CFAP119: variants seen among roughly 807,000 people sequenced by gnomAD.
CFAP119 encodes cilia- and flagella-associated protein 119.
At chr16:30,758,923 C>T in the CFAP119 span, 3 of 1,544,848 alleles carry the variant, frequency 1.9e-6, no homozygotes, top group Non-Finnish European at 2.6e-6. Context: ...TGACTAAAAA[C>T]AAAAAGTCTG....
chr16:30,761,361 G>T, the CFAP119 span: 2 of 1,395,364 alleles, frequency 1.4e-6, no homozygotes, highest in Non-Finnish European at 2.0e-6. Context: ...GGCGAGGGAG[G>T]GCTTCAGCAG....
chr16:30,761,017 C>T, the CFAP119 span: 2 of 669,326 alleles, frequency 3.0e-6, no homozygotes, highest in South Asian at 3.9e-5. Context: ...CTTTTTTTCT[C>T]ACACTGCCTC....
At chr16:30,757,753 G>T in the CFAP119 span, 1 of 1,481,518 alleles carries the variant, frequency 6.7e-7, no homozygotes, top group African/African-American at 1.4e-5. Flanking sequence ...ATTTCCCCTG[G>T]TGGGGATATA....
At chr16:30,761,014 T>TCTC in the CFAP119 span, 1 of 663,898 alleles carries the variant, frequency 1.5e-6, no homozygotes. Context: ...GCTCTTTTTT[T>TCTC]CTCACACTGC....
chr16:30,762,050 A>G, the CFAP119 span: 2 of 462,750 alleles, frequency 4.3e-6, no homozygotes, highest in Non-Finnish European at 7.7e-6. Context: ...CCTCTCTTCC[A>G]GGTTGCTAAT....
At chr16:30,761,736 T>TG in the CFAP119 span, 4 of 1,524,978 alleles carry the variant, frequency 2.6e-6, no homozygotes, top group South Asian at 3.6e-5. Context: ...TGGCTGGTCT[T>TG]GCGGTTGAGC....
At chr16:30,758,918 AAAAAC>A in the CFAP119 span, 25 of 1,539,436 alleles carry the variant, frequency 1.6e-5, 1 homozygote, top group South Asian at 2.6e-4. Context: ...GACTCTGACT[AAAAAC>A]AAAAAGTCTG....
the CFAP119 span, chr16:30,761,099 T>C: frequency 1.4e-6 from 2 of 1,387,394 alleles, no homozygotes; most frequent in Admixed American, 3.7e-5. Flanking sequence ...GGCCTCAGTC[T>C]CATCTGTAAA....
At chr16:30,759,935 G>A in the CFAP119 span, 4 of 1,440,658 alleles carry the variant, frequency 2.8e-6, no homozygotes, top group Non-Finnish European at 3.6e-6. Flanking sequence ...ACAAGGTCCT[G>A]CCCTTACGAA....
chr16:30,757,615 A>T, the CFAP119 span: 1 of 1,613,890 alleles, frequency 6.2e-7, no homozygotes, highest in Non-Finnish European at 8.5e-7. Flanking sequence ...CTCTTTGTTC[A>T]CTTGGGTCTT....
chr16:30,757,706 TG>T, the CFAP119 span: 38 of 1,554,344 alleles, frequency 2.4e-5, no homozygotes, highest in East Asian at 4.5e-5. Context: ...TGTCTGGCAA[TG>T]GGGGGATGGT....
chr16:30,761,461 G>T, the CFAP119 span: 1 of 1,513,322 alleles, frequency 6.6e-7, no homozygotes, highest in East Asian at 2.5e-5. Flanking sequence ...CGTCCCGAAC[G>T]TTAGTAAGCA....
chr16:30,761,555 T>G, the CFAP119 span: 1 of 1,536,160 alleles, frequency 6.5e-7, no homozygotes, highest in South Asian at 1.2e-5. Flanking sequence ...CGGAAACAAG[T>G]TGGCTCCGGG....
the CFAP119 span, chr16:30,760,330 C>G: frequency 6.2e-7 from 1 of 1,614,216 alleles, no homozygotes; most frequent in East Asian, 2.2e-5. Flanking sequence ...AAGCCGCTGA[C>G]GTCTGCTCCA....
At chr16:30,758,745 G>A in the CFAP119 span, 1 of 493,402 alleles carries the variant, frequency 2.0e-6, no homozygotes, top group Non-Finnish European at 3.6e-6. Flanking sequence ...AGTAGATAGG[G>A]GGTTTCACGG....
chr16:30,759,689 A>G, the CFAP119 span: 1 of 1,613,850 alleles, frequency 6.2e-7, no homozygotes. Flanking sequence ...CTGGTGAAGT[A>G]GCGGTAGCAC....
the CFAP119 span, chr16:30,761,455 C>G: frequency 6.6e-7 from 1 of 1,512,534 alleles, no homozygotes; most frequent in Non-Finnish European, 8.9e-7. Flanking sequence ...GGGAGACGTC[C>G]CGAACGTTAG....
At chr16:30,761,133 A>G in the CFAP119 span, 9 of 1,566,304 alleles carry the variant, frequency 5.7e-6, no homozygotes, top group Non-Finnish European at 7.9e-6. Context: ...GGCCACAGAC[A>G]GGACTGTTGG....
chr16:30,761,891 G>A, the CFAP119 span: 1 of 801,082 alleles, frequency 1.2e-6, no homozygotes, highest in Admixed American at 3.0e-5. Context: ...GCGGCGGGGC[G>A]AATCCGTGGG....
Sources: allele counts gnomAD v4.1 joint callset, GRCh38; gene constraint gnomAD v4.1.1; transcripts MANE v1.5; gene names NCBI Gene and HGNC (gene_info 2026-07-23, HGNC 2026-07-21).